CADPS: variants seen among roughly 807,000 people sequenced by gnomAD.
CADPS encodes calcium dependent secretion activator, also known as calcium-dependent secretion activator 1.
Under a neutral mutation model 167.3 loss-of-function variants are expected in CADPS, and 57 were observed. That is an observed-to-expected ratio of 0.34 (90% CI 0.28 to 0.42). The LOEUF (loss-of-function observed/expected upper bound fraction) is 0.42. CADPS is among the 20% of genes least tolerant of loss of function. CADPS has a pLI of 1.00. For missense variants in CADPS, 1,414 were observed against 1,738.1 expected (o/e 0.81, Z 3.32); for synonymous variants, 676 against 635.3 (o/e 1.06, Z -0.96).
intron 6 of CADPS, among the ~76,000 whole-genome samples, chr3:62,594,986 T>C (rs988879679): frequency 1.1e-4 from 16 of 152,336 alleles, no homozygotes; most frequent in African/African-American, 3.4e-4. Context: ...TCTTGACTAC[T>C]AGTGGGCTTG....
At chr3:62,599,594 A>G (rs2059415129) in intron 6 of CADPS, among the ~76,000 whole-genome samples, 1 of 91,252 alleles carries the variant, frequency 1.1e-5, no homozygotes, top group South Asian at 3.0e-4. Context: ...ATATAAATAT[A>G]TTATATATTT....
intron 26 of CADPS, among the ~76,000 whole-genome samples, chr3:62,464,322 G>C (rs1224993329): frequency 3.3e-5 from 5 of 152,174 alleles, no homozygotes; most frequent in Non-Finnish European, 7.3e-5. Context: ...ACCCTGTGCT[G>C]GGCCTTGTCT....
intron 1 of CADPS, among the ~76,000 whole-genome samples, chr3:62,784,963 A>G (rs1474922808): frequency 6.6e-6 from 1 of 152,172 alleles, no homozygotes; most frequent in Admixed American, 6.6e-5. Flanking sequence ...TTCAGGTGTA[A>G]TAATGGTACG....
At chr3:62,424,565 C>T (rs1560193742) in intron 28 of CADPS, among the ~76,000 whole-genome samples, 1 of 152,124 alleles carries the variant, frequency 6.6e-6, no homozygotes, top group Non-Finnish European at 1.5e-5. Context: ...TCTAAAGTGT[C>T]TTGACCCAGA....
intron 28 of CADPS, among the ~76,000 whole-genome samples, chr3:62,429,770 A>G (rs2053559148): frequency 6.6e-6 from 1 of 152,144 alleles, no homozygotes; most frequent in Non-Finnish European, 1.5e-5. Flanking sequence ...TAACAAGAAT[A>G]CTGTGACCTT....
intron 18 of CADPS, among the ~76,000 whole-genome samples, chr3:62,494,821 G>T (rs982925684): frequency 1.8e-4 from 26 of 146,950 alleles, no homozygotes; most frequent in African/African-American, 5.9e-4. Flanking sequence ...TTTTTTTGTT[G>T]TTTGTTTGTT....
chr3:62,574,512 T>C (rs2081915894), intron 8 of CADPS, among the ~76,000 whole-genome samples: 2 of 152,166 alleles, frequency 1.3e-5, no homozygotes, highest in Admixed American at 1.3e-4. Context: ...CTTGTGCTGC[T>C]GATGAGGCCA....
At chr3:62,480,611 G>A (rs1374074909) in intron 22 of CADPS, among the ~76,000 whole-genome samples, 1 of 152,174 alleles carries the variant, frequency 6.6e-6, no homozygotes, top group African/African-American at 2.4e-5. Flanking sequence ...TAAAAATGCT[G>A]AGGGCCGTCT....
chr3:62,454,695 G>A (rs1028445696), intron 26 of CADPS, among the ~76,000 whole-genome samples: 1 of 152,120 alleles, frequency 6.6e-6, no homozygotes, highest in Non-Finnish European at 1.5e-5. Context: ...TGACCTCTGT[G>A]AACCACTGCA....
chr3:62,838,327 G>A (rs190417404), intron 1 of CADPS, among the ~76,000 whole-genome samples: 1 of 152,294 alleles, frequency 6.6e-6, no homozygotes, highest in East Asian at 1.9e-4. Flanking sequence ...ATTTATAGAA[G>A]GTAACTTTAG....
At chr3:62,626,363 C>A in intron 6 of CADPS, 2 of 501,326 alleles carry the variant, frequency 4.0e-6, no homozygotes, top group Non-Finnish European at 7.1e-6. Context: ...GAAAAGAAAC[C>A]ATGGAATGCT....
chr3:62,670,582 G>A (rs1256968343), intron 3 of CADPS, among the ~76,000 whole-genome samples: 1 of 152,128 alleles, frequency 6.6e-6, no homozygotes, highest in East Asian at 1.9e-4. Context: ...CTGTATTTGA[G>A]TCACCAGTTT....
At chr3:62,414,444 G>A (rs1257619389) in intron 28 of CADPS, among the ~76,000 whole-genome samples, 3 of 152,344 alleles carry the variant, frequency 2.0e-5, no homozygotes, top group Non-Finnish European at 4.4e-5. Flanking sequence ...CAAAGCTTTT[G>A]CCCTTTGCTG....
chr3:62,578,335 G>T (rs902511365), intron 8 of CADPS, among the ~76,000 whole-genome samples: 3 of 152,200 alleles, frequency 2.0e-5, no homozygotes, highest in Middle Eastern at 3.4e-3. Context: ...TAACAGCCGG[G>T]TGTGGTGGCT....
intron 3 of CADPS, among the ~76,000 whole-genome samples, chr3:62,690,180 G>A (rs1028759522): frequency 6.6e-6 from 1 of 151,974 alleles, no homozygotes; most frequent in Non-Finnish European, 1.5e-5. Context: ...AGCTGGAGCT[G>A]ATTGGCAGCT....
chr3:62,528,623 C>T (rs1266567252), intron 13 of CADPS, among the ~76,000 whole-genome samples: 3 of 152,150 alleles, frequency 2.0e-5, no homozygotes, highest in East Asian at 1.9e-4. Context: ...TCAGTCTGCT[C>T]ATTTTACAGA....
intron 3 of CADPS, among the ~76,000 whole-genome samples, chr3:62,703,031 C>G (rs1424042585): frequency 6.6e-6 from 1 of 152,042 alleles, no homozygotes; most frequent in African/African-American, 2.4e-5. Flanking sequence ...TGCCGGAGCC[C>G]ATGTTCTCGA....
At chr3:62,770,376 C>A (rs1057354608) in intron 1 of CADPS, among the ~76,000 whole-genome samples, 3 of 152,140 alleles carry the variant, frequency 2.0e-5, no homozygotes, top group Non-Finnish European at 2.9e-5. Context: ...ATAACATGTA[C>A]CCAGAAAAAT....
chr3:62,703,074 A>T (rs1326746519), intron 3 of CADPS, among the ~76,000 whole-genome samples: 10 of 152,120 alleles, frequency 6.6e-5, no homozygotes, highest in Non-Finnish European at 1.2e-4. Flanking sequence ...TTCTGTTCAT[A>T]AGCATCTTTT....
Sources: gnomAD v4.1 joint callset for allele counts (sites outside exome capture counted in the v4.1 genomes callset) on GRCh38, gnomAD v4.1.1 for gene constraint, MANE v1.5 for transcripts, NCBI Gene and HGNC (gene_info 2026-07-23, HGNC 2026-07-21) for gene names.